The following ZDHHC3 variants were observed in gnomAD, a reference collection of about 807,000 sequenced individuals.
ZDHHC3 encodes palmitoyltransferase ZDHHC3.
A neutral mutation model predicts 30.6 loss-of-function variants in ZDHHC3; 9 were observed. The ratio of observed to expected loss-of-function variants is 0.29; its 90% CI spans 0.18 to 0.51. The LOEUF (loss-of-function observed/expected upper bound fraction) is 0.51, where lower values mean the gene tolerates loss of function less well. ZDHHC3 is among the 20% of genes least tolerant of loss of function. ZDHHC3 has a pLI of 0.97. For synonymous variants in ZDHHC3, 136 were observed against 140.2 expected (o/e 0.97, Z 0.21); for missense variants, 246 against 384.2 (o/e 0.64, Z 3.01).
intron 5 of ZDHHC3, among the ~76,000 whole-genome samples, 176 bp from the exon 6 acceptor site, chr3:44,929,612 T>C (rs1249793824): frequency 6.6e-6 from 1 of 152,130 alleles, no homozygotes; most frequent in African/African-American, 2.4e-5. Flanking sequence ...ACACTGGCTA[T>C]CTCTCAATCC....
At chr3:44,958,906 G>T (rs545180248) in intron 2 of ZDHHC3, among the ~76,000 whole-genome samples, 1 of 152,194 alleles carries the variant, frequency 6.6e-6, no homozygotes, top group Non-Finnish European at 1.5e-5. Flanking sequence ...TGTACTTATA[G>T]TATCATTTAA....
chr3:44,940,982 G>A (rs1392980869), intron 3 of ZDHHC3, among the ~76,000 whole-genome samples: 3 of 152,116 alleles, frequency 2.0e-5, no homozygotes, highest in Non-Finnish European at 4.4e-5. Flanking sequence ...CCCTGCTTGG[G>A]TGGCAGGCTC....
chr3:44,955,200 G>C (rs1703824050), intron 2 of ZDHHC3, among the ~76,000 whole-genome samples: 1 of 152,242 alleles, frequency 6.6e-6, no homozygotes, highest in African/African-American at 2.4e-5. Context: ...CCTCTGTTTA[G>C]AGACCTGTCC....
intron 1 of ZDHHC3, among the ~76,000 whole-genome samples, chr3:44,962,547 AGGGG>A (rs1220443825): frequency 2.8e-5 from 2 of 72,112 alleles, no homozygotes; most frequent in Non-Finnish European, 3.3e-5. Context: ...AAGGAAGGGG[AGGGG>A]AGGGGTATTA....
intron 3 of ZDHHC3, among the ~76,000 whole-genome samples, chr3:44,940,846 T>C (rs952809025): frequency 6.6e-6 from 1 of 152,220 alleles, no homozygotes; most frequent in Non-Finnish European, 1.5e-5. Context: ...CCAAAGGAGC[T>C]GGCCGAGGCT....
rs1700801488 is a variant in ZDHHC3 at position 44,924,063 on chromosome 3, T to G, written c.*2626A>C. ...AACAAGCCACATCTTTATTTTTCAC[T>G]TCCACTCCCCAGAGCCCAGGCTCTG... On this transcript the variant is annotated 3_prime_UTR_variant, in exon 7 of 7. Transcript: ENST00000424952. The G allele has an allele frequency of 7.1e-6, 7 of 985,448 alleles. No individual in the cohort carries two copies. The highest frequency in any genetic ancestry group is 8.4e-6 in the Non-Finnish European group (7 of 829,938). 61.0% of individuals were successfully genotyped at this position (985,448 alleles called of 1,614,324 possible).
chr3:44,918,841 T>C lies in ZDHHC3; in HGVS notation c.*7848A>G. ...CTCAGCCACCAGGCCACAGAAAGGG[T>C]GTTGGGGTGGGGAGATGCCCAGAGG... On this transcript the variant is annotated 3_prime_UTR_variant, in exon 7 of 7. Transcript: ENST00000424952. 1.0e-6 allele frequency: 1 copy of C among 987,146 alleles called. No individual in the cohort carries two copies. The highest frequency in any genetic ancestry group is 1.2e-6 in the Non-Finnish European group (1 of 831,274). 61.1% of individuals were successfully genotyped at this position (987,146 alleles called of 1,614,324 possible). A position where few individuals can be genotyped will look rare whatever the true frequency, so the allele number is the denominator to read the frequency against.
At chr3:44,948,760 T>G (rs1703173547) in intron 2 of ZDHHC3, among the ~76,000 whole-genome samples, 1 of 152,012 alleles carries the variant, frequency 6.6e-6, no homozygotes, top group African/African-American at 2.4e-5. Context: ...GGCCTACAGA[T>G]CTCCTGTCGT....
At chr3:44,963,838 C>G (rs1433676824) in intron 1 of ZDHHC3, among the ~76,000 whole-genome samples, 1 of 152,188 alleles carries the variant, frequency 6.6e-6, no homozygotes, top group Non-Finnish European at 1.5e-5. Flanking sequence ...GCCCCTTGCC[C>G]TATTTGGTCT....
intron 4 of ZDHHC3, 80 bp downstream of exon 4, chr3:44,933,808 G>A (rs536941914): frequency 7.7e-6 from 10 of 1,292,256 alleles, no homozygotes; most frequent in Middle Eastern, 1.8e-4. Context: ...AAAGAACATC[G>A]TGAATGCTGA....
At position 44,919,165 on chromosome 3, in the gene ZDHHC3, G is replaced by A. The variant is rs890998540; in HGVS notation, c.*7524C>T. The stretch of plus-strand genomic sequence containing the variant: ...TCATAAGATACTTATCAATTACAAA[G>A]GGAAAAACAGTACCTTAATAGCAGG... On this transcript the variant is annotated 3_prime_UTR_variant, in exon 7 of 7. Transcript: ENST00000424952. 3 of 921,012 alleles carry A rather than the reference G, an allele frequency of 3.3e-6. No individual in the cohort carries two copies. The highest frequency in any genetic ancestry group is 3.9e-6 in the Non-Finnish European group (3 of 772,062). 57.1% of individuals were successfully genotyped at this position (921,012 alleles called of 1,614,324 possible).
Position 44,918,201 on chromosome 3 carries a change from C to G in ZDHHC3, c.*8488G>C, listed in dbSNP as rs1177921533. On this transcript the variant is annotated 3_prime_UTR_variant, in exon 7 of 7. Transcript: ENST00000424952. Reference sequence around the variant, plus strand: ...GCGTGGTGCTGGGCTGTACAGCTCACATAGACACCCCCAGCTATAGCATAG... The same window carrying G: ...GCGTGGTGCTGGGCTGTACAGCTCAGATAGACACCCCCAGCTATAGCATAG... The G allele has an allele frequency of 5.6e-6, 7 of 1,254,774 alleles. No homozygotes were observed. In the South Asian group the frequency reaches 9.4e-5, roughly 17 times the overall value. The allele number at this position is 1,254,774 out of a possible 1,614,324, so 77.7% of individuals were successfully genotyped here.
At chr3:44,975,176 C>G (rs1401580204) in intron 1 of ZDHHC3, 1 of 152,092 alleles carries the variant, frequency 6.6e-6, no homozygotes, top group Admixed American at 6.5e-5. Flanking sequence ...TTTATCCACA[C>G]GGCTCCTTTA....
intron 3 of ZDHHC3, among the ~76,000 whole-genome samples, chr3:44,936,807 C>T (rs1575816136): frequency 6.6e-6 from 1 of 152,106 alleles, no homozygotes; most frequent in East Asian, 1.9e-4. Flanking sequence ...ACAACAAACC[C>T]CCAACACACG....
chr3:44,917,813 G>A lies in ZDHHC3; in HGVS notation c.*8876C>T, dbSNP rs866504283. On this transcript the variant is annotated 3_prime_UTR_variant, in exon 7 of 7. Transcript: ENST00000424952. ...ACTGGGGGTGCTGGGAGCGCACCAT[G>A]CCCATAAGCCCCTTTAGCCAAAACC... The A allele has an allele frequency of 3.2e-6, 4 of 1,252,092 alleles. No homozygotes were observed. The Middle Eastern group carries it at 8.9e-4, about 278-fold the overall frequency. 77.6% of individuals were successfully genotyped at this position (1,252,092 alleles called of 1,614,324 possible). A position where few individuals can be genotyped will look rare whatever the true frequency, so the allele number is the denominator to read the frequency against.
intron 1 of ZDHHC3, chr3:44,975,489 G>A (rs1286858920): frequency 2.0e-5 from 3 of 152,218 alleles, no homozygotes; most frequent in African/African-American, 7.2e-5. Flanking sequence ...AAGCACCCGA[G>A]GCAAGAGGTC....
At chr3:44,974,214 G>A (rs765576875) in intron 1 of ZDHHC3, among the ~76,000 whole-genome samples, 1 of 152,164 alleles carries the variant, frequency 6.6e-6, no homozygotes, top group Non-Finnish European at 1.5e-5. Context: ...ACATTATTTA[G>A]CAAATACTGC....
intron 3 of ZDHHC3, chr3:44,938,019 T>C: frequency 2.6e-6 from 1 of 382,552 alleles, no homozygotes; most frequent in Non-Finnish European, 5.2e-6. Flanking sequence ...AGTCTCGCTC[T>C]GTTGCCCAGG....
At chr3:44,945,432 CTG>C (rs1269750752) in intron 2 of ZDHHC3, 140 bp from the exon 3 acceptor site, 2 of 1,253,488 alleles carry the variant, frequency 1.6e-6, no homozygotes, top group Non-Finnish European at 2.2e-6. Flanking sequence ...CATGTGGACT[CTG>C]TGTTCAGAAT....
Sources: gnomAD v4.1 joint callset for allele counts (sites outside exome capture counted in the v4.1 genomes callset) on GRCh38, gnomAD v4.1.1 for gene constraint, MANE v1.5 for transcripts, NCBI Gene and HGNC (gene_info 2026-07-23, HGNC 2026-07-21) for gene names.